Variants in BPTF observed in about 807,000 individuals in gnomAD.
BPTF encodes bromodomain PHD finger transcription factor.
In BPTF, 18 loss-of-function variants were observed where a neutral mutation model predicts 292.5. The ratio of observed to expected loss-of-function variants is 0.06; its 90% CI spans 0.04 to 0.09. BPTF has a LOEUF of 0.09. BPTF is among the 10% of genes least tolerant of loss of function. BPTF has a pLI of 1.00. For synonymous variants in BPTF, 1,225 were observed against 1,251.9 expected (o/e 0.98, Z 0.45); for missense variants, 2,726 against 3,498.7 (o/e 0.78, Z 5.57).
chr17:67,944,389 A>G lies in BPTF; in HGVS notation c.6700+17A>G. On this transcript the variant is annotated intron_variant, in intron 20 of 27. Transcript: ENST00000306378. ...CAGCAGCAGGTAGAGCTGTGGGTTT[A>G]TCGGAAATGTCGGATGTTACTACTA... 6.2e-7 allele frequency: 1 copy of G among 1,609,218 alleles called. No individual in the cohort carries two copies. The highest frequency in any genetic ancestry group is 8.5e-7 in the Non-Finnish European group (1 of 1,179,608).
At chr17:67,957,556 T>A (rs565157165) in intron 23 of BPTF, among the ~76,000 whole-genome samples, 92 of 152,266 alleles carry the variant, frequency 6.0e-4, no homozygotes, top group Middle Eastern at 6.8e-3. Context: ...TTTAAAAAAA[T>A]TTTTAAGTCA....
chr17:67,841,914 A>G (rs1319326507), intron 1 of BPTF, among the ~76,000 whole-genome samples: 1 of 151,906 alleles, frequency 6.6e-6, no homozygotes, highest in Non-Finnish European at 1.5e-5. Context: ...GATTAATTGA[A>G]TATTTTTTAG....
Position 67,913,129 on chromosome 17 carries a change from C to A in BPTF, c.5245C>A (p.Pro1749Thr), listed in dbSNP as rs1157383776. 1.2e-6 allele frequency: 2 copies of A among 1,614,024 alleles called. No individual in the cohort carries two copies. The highest frequency in any genetic ancestry group is 1.7e-5 in the Admixed American group (1 of 60,000). The change falls in exon 11 of 28, where the codon CCT becomes ACT. Residue 1749 changes from proline to threonine, a missense_variant. Around this residue, in one of 22 missense-constraint regions of BPTF, gnomAD observed 36 missense variants for 34.7 expected, o/e 1.04. Coordinates refer to ENST00000306378, the MANE Select transcript of BPTF (RefSeq NM_182641.4). ...EVPYFNYNAK[P>T]ALDIWPYPSP... ...CCCTTATTTTAATTACAATGCAAAA[C>A]CTGCTTTGGATATATGGCCATATCC...
intron 1 of BPTF, among the ~76,000 whole-genome samples, chr17:67,829,105 T>G (rs2056399611): frequency 7.0e-6 from 1 of 143,266 alleles, no homozygotes; most frequent in African/African-American, 2.5e-5. Flanking sequence ...GTTTTTTGTT[T>G]TTGTTTTTTG....
intron 1 of BPTF, among the ~76,000 whole-genome samples, chr17:67,834,877 C>A (rs2144051017): frequency 6.6e-6 from 1 of 152,224 alleles, no homozygotes; most frequent in Admixed American, 6.5e-5. Flanking sequence ...CTATACTGTC[C>A]AGTATGGTAG....
chr17:67,977,059 ATT>A (rs2069575729), intron 27 of BPTF, among the ~76,000 whole-genome samples: 1 of 152,236 alleles, frequency 6.6e-6, no homozygotes, highest in Non-Finnish European at 1.5e-5. Context: ...CTGCTGTGAC[ATT>A]TAGTGCTAGA....
intron 23 of BPTF, among the ~76,000 whole-genome samples, chr17:67,950,051 CAAAAAAAAAA>C (rs567911150): frequency 1.5e-5 from 1 of 68,578 alleles, no homozygotes; most frequent in South Asian, 7.4e-4. Flanking sequence ...GAGACTGTCT[CAAAAAAAAAA>C]AAAAAAAAAA....
chr17:67,900,846 CA>C (rs1168563025), intron 7 of BPTF, among the ~76,000 whole-genome samples: 2 of 151,404 alleles, frequency 1.3e-5, no homozygotes, highest in Non-Finnish European at 2.9e-5. Flanking sequence ...TCTGTCTCTA[CA>C]AAAAAATTAA....
At chr17:67,866,939 C>T (rs552533074) in intron 3 of BPTF, among the ~76,000 whole-genome samples, 8 of 152,318 alleles carry the variant, frequency 5.3e-5, no homozygotes, top group South Asian at 2.1e-4. Context: ...CAAACCTGTA[C>T]GTCATGTGAC....
intron 11 of BPTF, among the ~76,000 whole-genome samples, chr17:67,914,237 TTTATA>T (rs939987032): frequency 5.3e-4 from 81 of 152,364 alleles, no homozygotes; most frequent in Middle Eastern, 3.4e-3. Flanking sequence ...TTTGGTTTCC[TTTATA>T]TTAATTACAA....
chr17:67,887,308 T>TAATGAATTTTAGG (rs1255372291), intron 4 of BPTF, among the ~76,000 whole-genome samples: 1 of 152,212 alleles, frequency 6.6e-6, no homozygotes, highest in African/African-American at 2.4e-5. Context: ...TATTTTTCTT[T>TAATGAATTTTAGG]AATGAATTTT....
Position 67,912,320 on chromosome 17 carries a change from A to G in BPTF, c.4436A>G (p.Asn1479Ser). The change falls in exon 11 of 28, where the codon AAC becomes AGC. Residue 1479 changes from asparagine to serine, a missense_variant. Coordinates refer to ENST00000306378, the MANE Select transcript of BPTF (RefSeq NM_182641.4). ...DVIMEDFNER[N>S]SSETKSHLLS... ...ATCATGGAAGATTTTAATGAAAGAA[A>G]CAGCTCCGAAACAAAATCGCATTTG... 6.2e-7 allele frequency: 1 copy of G among 1,613,872 alleles called. No homozygotes were observed. The highest frequency in any genetic ancestry group is 8.5e-7 in the Non-Finnish European group (1 of 1,179,836).
chr17:67,979,983 G>C (rs1361396983), intron 27 of BPTF, among the ~76,000 whole-genome samples: 1 of 152,038 alleles, frequency 6.6e-6, no homozygotes, highest in Non-Finnish European at 1.5e-5. Context: ...GGAGGTTGCA[G>C]ATCGCACCAC....
At chr17:67,921,651 C>A (rs2063449650) in intron 13 of BPTF, among the ~76,000 whole-genome samples, 1 of 152,158 alleles carries the variant, frequency 6.6e-6, no homozygotes, top group Non-Finnish European at 1.5e-5. Context: ...ATTAAATTAA[C>A]TTGGGAGTTC....
chr17:67,836,956 T>C (rs2057179373), intron 1 of BPTF, among the ~76,000 whole-genome samples: 1 of 152,238 alleles, frequency 6.6e-6, no homozygotes, highest in Admixed American at 6.5e-5. Flanking sequence ...CTCTGTAAAC[T>C]TGGAAGATTA....
At chr17:67,947,871 A>C (rs1003730701) in intron 22 of BPTF, 63 bp downstream of exon 22, 3 of 1,449,312 alleles carry the variant, frequency 2.1e-6, no homozygotes, top group African/African-American at 1.4e-5. Flanking sequence ...ACACGCACAG[A>C]GTTCTGAGTT....
In BPTF at chr17:67,912,743, G is replaced by A; in HGVS notation, c.4859G>A (p.Cys1620Tyr). The part of the protein sequence containing the change: ...KQTVVSSTEN[C>Y]AKSTVTTTTT... ...ACTGTGGTTTCTTCCACAGAAAATT[G>A]TGCAAAATCCACTGTCACAACCACC... Residue 1620 changes from cysteine to tyrosine, a missense_variant, in exon 11 of 28, where the codon TGT (cysteine) becomes TAT (tyrosine). Cys to Tyr is a radical substitution (Grantham distance 194, BLOSUM62 -2). This residue lies in a region of BPTF where 144 missense variants were observed against 177.2 expected (regional missense o/e 0.81). Transcript: ENST00000306378. The A allele has an allele frequency of 6.2e-7, 1 of 1,614,016 alleles. No individual in the cohort carries two copies. The highest frequency in any genetic ancestry group is 1.3e-5 in the African/African-American group (1 of 75,030).
chr17:67,979,972 C>T (rs578199574), intron 27 of BPTF, among the ~76,000 whole-genome samples: 5 of 151,940 alleles, frequency 3.3e-5, no homozygotes, highest in South Asian at 2.1e-4. Context: ...ACCTTGGAGG[C>T]GGAGGTTGCA....
intron 21 of BPTF, among the ~76,000 whole-genome samples, chr17:67,946,544 A>C (rs973496930): frequency 3.9e-5 from 6 of 152,210 alleles, no homozygotes; most frequent in African/African-American, 1.2e-4. Flanking sequence ...GCTTATTAGG[A>C]ATGACCTGTA....
Sources: gnomAD v4.1 joint callset for allele counts (sites outside exome capture counted in the v4.1 genomes callset) on GRCh38, gnomAD v4.1.1 for gene constraint, gnomAD v4.1.1 regional missense constraint, MANE v1.5 for transcripts, NCBI Gene and HGNC (gene_info 2026-07-23, HGNC 2026-07-21) for gene names.